P4HA1: variants seen among roughly 807,000 people sequenced by gnomAD.
The protein encoded by P4HA1 is prolyl 4-hydroxylase subunit alpha-1.
A neutral mutation model predicts 72.8 loss-of-function variants in P4HA1; 24 were observed. The observed-to-expected ratio is 0.33, with a 90% confidence interval of 0.24 to 0.46. P4HA1 has a LOEUF of 0.46. P4HA1 is among the 20% of genes least tolerant of loss of function. The probability of loss-of-function intolerance (pLI) is 1.00; values close to 1 mark genes in which losing one functional copy is unlikely to be tolerated. For missense variants in P4HA1, 446 were observed against 640.6 expected, an observed-to-expected ratio of 0.70 and a Z score of 3.28; for synonymous variants, 201 against 218.8, an observed-to-expected ratio of 0.92 and a Z score of 0.72.
Position 73,051,146 on chromosome 10 carries a change from C to T in P4HA1, c.807G>A (p.Gln269=). The change falls in exon 7 of 15, where the codon CAG becomes CAA. Residue 269 remains glutamine (Q), a synonymous_variant. Transcript: ENST00000394890. ...CCCCTTTTTTCTTTGGTGTAGTTTT[C>T]TGATCAGATTGGTCATCTGAAGCAG... The part of the protein sequence containing the change: ...NKSASDDQSD[Q]KTTPKKKGVA... 1.2e-6 allele frequency: 2 copies of T among 1,613,580 alleles called. No individual in the cohort carries two copies. Among genetic ancestry groups the T allele is most frequent in the Non-Finnish European group, 1.7e-6 (2 of 1,179,558 alleles).
At position 73,085,860 on chromosome 10, in the gene P4HA1, G is replaced by T. The variant is rs375699486; in HGVS notation, c.-33+10906C>A. Among the ~76,000 whole-genome samples the T allele has an allele frequency of 7.9e-5, 12 of 152,274 alleles. No individual in the cohort carries two copies. In the East Asian group the frequency reaches 1.7e-3, roughly 22 times the overall value. ...AAAAAATGACTAGCTGGGTACAGTGGCATACGCCTGTAGTTCTATCTACTT... is the reference window on the plus strand; with the variant it reads ...AAAAAATGACTAGCTGGGTACAGTGTCATACGCCTGTAGTTCTATCTACTT... On this transcript the variant is annotated intron_variant, in intron 1 of 14. Coordinates refer to ENST00000394890, the MANE Select transcript of P4HA1 (RefSeq NM_001017962.3).
chr10:73,081,707 A>T (rs1308135244), intron 1 of P4HA1, among the ~76,000 whole-genome samples: 1 of 152,212 alleles, frequency 6.6e-6, no homozygotes, highest in Non-Finnish European at 1.5e-5. Context: ...TTTCAACTTT[A>T]TGATGGTGCA....
intron 1 of P4HA1, among the ~76,000 whole-genome samples, chr10:73,095,522 T>A (rs1420849348): frequency 5.2e-5 from 7 of 133,504 alleles, no homozygotes; most frequent in South Asian, 2.3e-4. Flanking sequence ...ACCAGAACTT[T>A]AAAAAAAAAA....
At position 73,074,868 on chromosome 10, in the gene P4HA1, A is replaced by T. The variant is rs1231867869; in HGVS notation, c.16T>A (p.Leu6Ile). 2 of 1,525,020 alleles carry T rather than the reference A, an allele frequency of 1.3e-6. No homozygotes were observed. The highest frequency in any genetic ancestry group is 1.8e-6 in the Non-Finnish European group (2 of 1,101,418). 94.5% of individuals were successfully genotyped at this position (1,525,020 alleles called of 1,614,324 possible). A position where few individuals can be genotyped will look rare whatever the true frequency, so the allele number is the denominator to read the frequency against. ...TGGGGAAGCAGAATTCCTATAATTA[A>T]TATATACCAGATCATCTTGGAAGAT... The part of the protein sequence containing the change: MIWYI[L>I]IIGILLPQSL... Residue 6 changes from leucine (L) to isoleucine (I), a missense_variant, in exon 2 of 15, where the codon TTA becomes ATA. Coordinates refer to ENST00000394890, the MANE Select transcript of P4HA1 (RefSeq NM_001017962.3).
At chr10:73,062,985 G>GCC (rs10634037) in intron 5 of P4HA1, among the ~76,000 whole-genome samples, 3 of 151,070 alleles carry the variant, frequency 2.0e-5, no homozygotes, top group African/African-American at 7.3e-5. Flanking sequence ...TTTTTTTCTG[G>GCC]CCCCATTAGT....
At chr10:73,061,889 C>T (rs938485263) in intron 5 of P4HA1, among the ~76,000 whole-genome samples, 14 of 151,802 alleles carry the variant, frequency 9.2e-5, no homozygotes, top group African/African-American at 3.1e-4. Context: ...TGTGGTGGCA[C>T]GCACCTATAG....
intron 1 of P4HA1, among the ~76,000 whole-genome samples, chr10:73,081,093 C>T (rs1367002372): frequency 2.0e-5 from 3 of 152,048 alleles, no homozygotes; most frequent in African/African-American, 7.3e-5. Flanking sequence ...ATATAAATGC[C>T]TCCTGTTCTA....
At chr10:73,062,652 T>C (rs1252962391) in intron 5 of P4HA1, among the ~76,000 whole-genome samples, 1 of 152,210 alleles carries the variant, frequency 6.6e-6, no homozygotes, top group Non-Finnish European at 1.5e-5. Context: ...TTAATAAATT[T>C]TGATTGAATA....
chr10:73,059,646 G>C (rs1308039253), intron 5 of P4HA1, among the ~76,000 whole-genome samples: 1 of 151,166 alleles, frequency 6.6e-6, no homozygotes, highest in Non-Finnish European at 1.5e-5. Flanking sequence ...AGGAGGCTGA[G>C]ACAGGAGAAT....
Position 73,045,019 on chromosome 10 carries a change from T to C in P4HA1, c.1110A>G (p.Thr370=), listed in dbSNP as rs771404814. The C allele has an allele frequency of 1.2e-6, 2 of 1,613,658 alleles. No individual in the cohort carries two copies. The highest frequency in any genetic ancestry group is 2.2e-5 in the East Asian group (1 of 44,864). Residue 370 remains threonine (T), a synonymous_variant, in exon 9 of 15, where the codon ACA becomes ACG. Coordinates refer to ENST00000394890, the MANE Select transcript of P4HA1 (RefSeq NM_001017962.3). ...LRRATISNPI[T]GDLETVHYRI... ...TGTAATGTACCGTCTCCAAGTCTCCTGTTATTGGGTTTGAAATGGTGGCTC... is the reference window on the plus strand; with the variant it reads ...TGTAATGTACCGTCTCCAAGTCTCCCGTTATTGGGTTTGAAATGGTGGCTC...
intron 1 of P4HA1, among the ~76,000 whole-genome samples, chr10:73,090,798 T>C (rs955413746): frequency 2.6e-5 from 4 of 152,066 alleles, no homozygotes; most frequent in Non-Finnish European, 5.9e-5. Context: ...CGGTGGCTCA[T>C]GCCTGTAATC....
intron 7 of P4HA1, among the ~76,000 whole-genome samples, chr10:73,050,441 C>T (rs985327426): frequency 6.6e-6 from 1 of 151,744 alleles, no homozygotes; most frequent in Non-Finnish European, 1.5e-5. Flanking sequence ...GCAGCTCACG[C>T]CTGTAATCCC....
At chr10:73,089,407 G>C (rs1841982383) in intron 1 of P4HA1, among the ~76,000 whole-genome samples, 1 of 152,068 alleles carries the variant, frequency 6.6e-6, no homozygotes, top group South Asian at 2.1e-4. Context: ...AAAGAATGAA[G>C]ACAAGCCAAC....
chr10:73,071,904 C>A, intron 4 of P4HA1, 125 bp downstream of exon 4: 1 of 619,822 alleles, frequency 1.6e-6, no homozygotes, highest in Non-Finnish European at 2.7e-6. Context: ...ACCAAATGCA[C>A]CCAGGCATAA....
intron 1 of P4HA1, among the ~76,000 whole-genome samples, chr10:73,076,486 T>TA (rs201711615): frequency 3.8e-4 from 58 of 151,622 alleles, no homozygotes; most frequent in Admixed American, 1.2e-3. Flanking sequence ...GTGTTCTATG[T>TA]AAAAAAAAAC....
intron 5 of P4HA1, among the ~76,000 whole-genome samples, chr10:73,067,354 G>A (rs530294001): frequency 2.3e-4 from 35 of 152,118 alleles, no homozygotes; most frequent in Admixed American, 1.0e-3. Context: ...ATCTCCATTC[G>A]GCAGCCAGAA....
At chr10:73,038,775 C>T (rs1485892578) in intron 9 of P4HA1, among the ~76,000 whole-genome samples, 2 of 136,880 alleles carry the variant, frequency 1.5e-5, no homozygotes, top group Admixed American at 1.4e-4. Flanking sequence ...TACAGGCGCC[C>T]GCCACTACGC....
intron 10 of P4HA1, among the ~76,000 whole-genome samples, chr10:73,023,745 G>C (rs1437525668): frequency 1.3e-5 from 2 of 150,792 alleles, no homozygotes; most frequent in African/African-American, 4.9e-5. Context: ...CACATCTCAT[G>C]TGCAGAGACA....
chr10:73,010,927 G>C (rs199660193), intron 13 of P4HA1, 42 bp downstream of exon 13: 21 of 1,436,662 alleles, frequency 1.5e-5, no homozygotes, highest in Non-Finnish European at 2.0e-5. Flanking sequence ...CTCTTCCTTA[G>C]GGAAAAAATT....
Sources: gnomAD v4.1 joint callset for allele counts (sites outside exome capture counted in the v4.1 genomes callset) on GRCh38, gnomAD v4.1.1 for gene constraint, MANE v1.5 for transcripts, NCBI Gene and HGNC (gene_info 2026-07-23, HGNC 2026-07-21) for gene names.